Variants in RORB observed in about 807,000 individuals in gnomAD.
RORB encodes nuclear receptor ROR-beta.
Under a neutral mutation model 59.1 loss-of-function variants are expected in RORB, and 6 were observed. The observed-to-expected ratio is 0.10, with a 90% CI of 0.06 to 0.20. RORB has a LOEUF of 0.20. Ranked by LOEUF, RORB falls within the 10% of genes least tolerant of loss-of-function variation. RORB has a pLI of 1.00. For synonymous variants in RORB, 215 were observed against 204.5 expected, an observed-to-expected ratio of 1.05 and a Z score of -0.44; for missense variants, 320 against 560.5, an observed-to-expected ratio of 0.57 and a Z score of 4.33.
intron 1 of RORB, among the ~76,000 whole-genome samples, chr9:74,506,809 A>G (rs928111219): frequency 2.0e-5 from 3 of 152,130 alleles, no homozygotes; most frequent in Non-Finnish European, 4.4e-5. Context: ...AACACAAATA[A>G]TTGTTTTAAA....
At chr9:74,586,327 A>G (rs556509443) in intron 1 of RORB, among the ~76,000 whole-genome samples, 41 of 152,038 alleles carry the variant, frequency 2.7e-4, no homozygotes, top group African/African-American at 8.9e-4. Context: ...GCAAAACCCT[A>G]TCTCTACAAA....
intron 1 of RORB, among the ~76,000 whole-genome samples, chr9:74,596,662 C>T (rs948228622): frequency 6.6e-6 from 1 of 152,222 alleles, no homozygotes; most frequent in African/African-American, 2.4e-5. Context: ...CTGCCTCAGA[C>T]TTAACCCTGA....
chr9:74,636,864 C>T (rs1823712331), intron 3 of RORB, among the ~76,000 whole-genome samples: 1 of 152,124 alleles, frequency 6.6e-6, no homozygotes, highest in Non-Finnish European at 1.5e-5. Context: ...CTATATCATA[C>T]AGAGAAAGTT....
chr9:74,585,706 A>T (rs1033641611), intron 1 of RORB, among the ~76,000 whole-genome samples: 2 of 152,016 alleles, frequency 1.3e-5, no homozygotes, highest in African/African-American at 4.8e-5. Context: ...GCATATTACC[A>T]CTCAATTCTA....
chr9:74,570,947 A>G (rs1322810547), intron 1 of RORB, among the ~76,000 whole-genome samples: 1 of 151,408 alleles, frequency 6.6e-6, no homozygotes, highest in Non-Finnish European at 1.5e-5. Context: ...GAATCACACT[A>G]TTGTTGTGAA....
intron 1 of RORB, among the ~76,000 whole-genome samples, chr9:74,567,350 C>A (rs1822484602): frequency 6.6e-6 from 1 of 152,020 alleles, no homozygotes; most frequent in Admixed American, 6.6e-5. Context: ...CTTGAGAGGA[C>A]CCTCTCTAGT....
intron 1 of RORB, 38 bp downstream of exon 1, chr9:74,498,021 G>A (rs1306411167): frequency 1.9e-6 from 3 of 1,604,036 alleles, no homozygotes; most frequent in Non-Finnish European, 1.7e-6. Flanking sequence ...CCCCGAGTCC[G>A]GCCAACTCCA....
intron 2 of RORB, among the ~76,000 whole-genome samples, chr9:74,631,981 T>C (rs1381994519): frequency 2.0e-5 from 3 of 152,202 alleles, no homozygotes; most frequent in African/African-American, 7.2e-5. Flanking sequence ...ATTTCTACCA[T>C]TCTATTGGCT....
At chr9:74,600,139 C>A (rs181925074) in intron 1 of RORB, among the ~76,000 whole-genome samples, 1 of 152,198 alleles carries the variant, frequency 6.6e-6, no homozygotes, top group Non-Finnish European at 1.5e-5. Flanking sequence ...AAAACTTACC[C>A]ATCCTGTGTC....
At chr9:74,568,152 C>T (rs1168340090) in intron 1 of RORB, among the ~76,000 whole-genome samples, 3 of 152,192 alleles carry the variant, frequency 2.0e-5, no homozygotes, top group East Asian at 3.9e-4. Flanking sequence ...AGTTTTGACA[C>T]ACAAGACAAA....
intron 1 of RORB, among the ~76,000 whole-genome samples, chr9:74,524,287 T>A (rs1826125501): frequency 6.6e-6 from 1 of 151,660 alleles, no homozygotes; most frequent in Non-Finnish European, 1.5e-5. Context: ...TTAAGGTCAG[T>A]CAAAGCAAGA....
chr9:74,630,592 C>T (rs970279547), intron 2 of RORB, among the ~76,000 whole-genome samples: 1 of 152,002 alleles, frequency 6.6e-6, no homozygotes, highest in Non-Finnish European at 1.5e-5. Flanking sequence ...AAAATGGATG[C>T]GTATTTAAAA....
intron 8 of RORB, among the ~76,000 whole-genome samples, chr9:74,669,732 C>T (rs945458168): frequency 4.6e-5 from 7 of 151,962 alleles, no homozygotes; most frequent in Non-Finnish European, 1.0e-4. Flanking sequence ...TTCTGTTACC[C>T]GTTTATCTGT....
intron 7 of RORB, 61 bp from the exon 8 acceptor site, chr9:74,667,730 C>T: frequency 1.0e-6 from 1 of 1,003,544 alleles, no homozygotes; most frequent in Non-Finnish European, 1.6e-6. Flanking sequence ...TGAGATTTTT[C>T]TTACTCTTGC....
intron 8 of RORB, among the ~76,000 whole-genome samples, chr9:74,668,499 C>T (rs1460093974): frequency 6.6e-6 from 1 of 152,258 alleles, no homozygotes; most frequent in African/African-American, 2.4e-5. Context: ...CTTCTGACTC[C>T]GAAAAATTTC....
At chr9:74,512,779 A>G (rs1173064940) in intron 1 of RORB, among the ~76,000 whole-genome samples, 1 of 152,144 alleles carries the variant, frequency 6.6e-6, no homozygotes, top group Non-Finnish European at 1.5e-5. Flanking sequence ...TCTCTGAGAA[A>G]GCTGCTTCCT....
rs1325565086 is a variant in RORB, at chr9:74,692,515, G to A, written c.*6897G>A. Reference sequence around the variant, plus strand: ...TGATTCTAAGTCCCGTGAAACCGTGGGCTGCCTGGGGCTTGGCTGTGCCCA... The same window carrying A: ...TGATTCTAAGTCCCGTGAAACCGTGAGCTGCCTGGGGCTTGGCTGTGCCCA... On this transcript the variant is annotated 3_prime_UTR_variant, in exon 10 of 10. Transcript: ENST00000376896. The A allele has an allele frequency of 6.6e-6, 1 of 152,148 alleles. No homozygotes were observed. The highest frequency in any genetic ancestry group is 1.5e-5 in the Non-Finnish European group (1 of 68,036). 9.4% of individuals were successfully genotyped at this position (152,148 alleles called of 1,614,324 possible).
chr9:74,616,659 T>C (rs1823317281), intron 1 of RORB, among the ~76,000 whole-genome samples: 1 of 152,194 alleles, frequency 6.6e-6, no homozygotes, highest in Admixed American at 6.5e-5. Context: ...ACACTAGACA[T>C]ACTAACGTCT....
chr9:74,666,072 A>C (rs111982051), intron 7 of RORB, among the ~76,000 whole-genome samples: 4 of 152,276 alleles, frequency 2.6e-5, no homozygotes, highest in African/African-American at 9.6e-5. Context: ...GGATCTCTTG[A>C]GGTCAGGAGT....
Sources: gnomAD v4.1 joint callset for allele counts (sites outside exome capture counted in the v4.1 genomes callset) on GRCh38, gnomAD v4.1.1 for gene constraint, MANE v1.5 for transcripts, NCBI Gene and HGNC (gene_info 2026-07-23, HGNC 2026-07-21) for gene names.